The following RABGAP1L variants were observed in gnomAD, a reference collection of about 807,000 sequenced individuals.
The protein encoded by RABGAP1L is rab GTPase-activating protein 1-like.
A neutral mutation model predicts 137.7 loss-of-function variants in RABGAP1L; 63 were observed. That is an observed-to-expected ratio of 0.46 (90% CI 0.37 to 0.56). The LOEUF is 0.56. Among genes scored for constraint, RABGAP1L ranks in the 20% least tolerant of loss-of-function variants. RABGAP1L has a pLI of 0.00. For synonymous variants in RABGAP1L, 431 were observed against 433.7 expected, an observed-to-expected ratio of 0.99 and a Z score of 0.08; for missense variants, 1,095 against 1,244.0, an observed-to-expected ratio of 0.88 and a Z score of 1.80.
chr1:174,411,526 G>C lies in RABGAP1L; in HGVS notation c.1710+17381G>C, dbSNP rs1649926863. 2.0e-5 allele frequency among the ~76,000 whole-genome samples: 3 copies of C among 151,844 alleles called. No homozygotes were observed. In the East Asian group the frequency reaches 5.8e-4, roughly 29 times the overall value. On this transcript the variant is annotated intron_variant, in intron 13 of 25. Transcript: ENST00000681986. ...TGTTTTTGTTTTTGATTCTGTTTATGTGTTCAATCAAATTTATTAAATTTT... is the reference window on the plus strand; with the variant it reads ...TGTTTTTGTTTTTGATTCTGTTTATCTGTTCAATCAAATTTATTAAATTTT...
intron 11 of RABGAP1L, among the ~76,000 whole-genome samples, chr1:174,340,838 G>C (rs1681909807): frequency 6.6e-6 from 1 of 152,144 alleles, no homozygotes; most frequent in Non-Finnish European, 1.5e-5. Flanking sequence ...GATCTTTCGG[G>C]AATTGCCACA....
intron 13 of RABGAP1L, among the ~76,000 whole-genome samples, chr1:174,471,997 AGT>A (rs1657998248): frequency 6.6e-6 from 1 of 152,212 alleles, no homozygotes; most frequent in South Asian, 2.1e-4. Flanking sequence ...ACAATGGAGA[AGT>A]GTGTAATGCA....
chr1:174,321,621 A>G (rs991408176), intron 11 of RABGAP1L, among the ~76,000 whole-genome samples: 1 of 152,110 alleles, frequency 6.6e-6, no homozygotes, highest in African/African-American at 2.4e-5. Context: ...TTTGATTACA[A>G]TTTTTTTGGC....
intron 13 of RABGAP1L, among the ~76,000 whole-genome samples, chr1:174,624,778 CTTTCTCTAAATA>C (rs148034798): frequency 0.021 from 3,220 of 151,918 alleles, 121 homozygotes; most frequent in African/African-American, 0.075. Context: ...CTGTAACACT[CTTTCTCTAAATA>C]TTTCTCTAAA....
intron 13 of RABGAP1L, among the ~76,000 whole-genome samples, chr1:174,435,281 G>T (rs1653125208): frequency 6.6e-6 from 1 of 152,162 alleles, no homozygotes; most frequent in African/African-American, 2.4e-5. Context: ...GCCTCCCAAA[G>T]TGCTGGGATT....
intron 14 of RABGAP1L, among the ~76,000 whole-genome samples, chr1:174,644,213 A>C (rs1164801919): frequency 1.3e-5 from 2 of 152,046 alleles, no homozygotes; most frequent in African/African-American, 4.8e-5. Context: ...GAGTCCTGGA[A>C]AGAGAATGAG....
At chr1:174,695,123 C>T (rs548502735) in intron 15 of RABGAP1L, among the ~76,000 whole-genome samples, 25 of 152,090 alleles carry the variant, frequency 1.6e-4, no homozygotes, top group South Asian at 6.2e-4. Context: ...GAGTAGGTTG[C>T]GAAAATTTTC....
intron 11 of RABGAP1L, among the ~76,000 whole-genome samples, chr1:174,347,141 C>G (rs1682505643): frequency 1.3e-5 from 2 of 152,084 alleles, no homozygotes; most frequent in South Asian, 4.1e-4. Context: ...AACTGATGAC[C>G]TATCCTTGTG....
rs150710742 is a variant in RABGAP1L, at chr1:174,618,770, A to G, written c.1711-18605A>G. Among the ~76,000 whole-genome samples the G allele has an allele frequency of 1.5e-3, 224 of 152,370 alleles. 2 individuals carry two copies. The highest frequency in any genetic ancestry group is 3.4e-3 in the Middle Eastern group (1 of 294). On this transcript the variant is annotated intron_variant, in intron 13 of 25. Coordinates refer to ENST00000681986, the MANE Select transcript of RABGAP1L (RefSeq NM_001366446.1). ...CCAAAAACGCAGCTCCTCAGCAGCA[A>G]TGGAACTAAGCTGGATGGAGAATGA...
At chr1:174,504,858 A>G (rs1661667992) in intron 13 of RABGAP1L, among the ~76,000 whole-genome samples, 1 of 152,218 alleles carries the variant, frequency 6.6e-6, no homozygotes, top group Admixed American at 6.5e-5. Context: ...AACAGAAGCA[A>G]AGGTAGACAA....
chr1:174,792,447 G>A lies in RABGAP1L; in HGVS notation c.2212-19385G>A, dbSNP rs1687929646. Among the ~76,000 whole-genome samples the A allele has an allele frequency of 2.0e-5, 3 of 152,034 alleles. No homozygotes were observed. The South Asian group carries it at 6.2e-4, about 32-fold the overall frequency. ...ACTGTCTTTGAATATTTTAATTAAC[G>A]TCACGTGGAAAAAAAGAAGTAGACT... On this transcript the variant is annotated intron_variant, in intron 18 of 25. Transcript: ENST00000681986.
intron 11 of RABGAP1L, among the ~76,000 whole-genome samples, chr1:174,328,901 CAAAT>C (rs1430228831): frequency 6.6e-6 from 1 of 151,698 alleles, no homozygotes; most frequent in Non-Finnish European, 1.5e-5. Context: ...AGAAAGATCT[CAAAT>C]AAACAACCTA....
intron 12 of RABGAP1L, among the ~76,000 whole-genome samples, chr1:174,383,563 C>A (rs1414614289): frequency 6.6e-6 from 1 of 152,182 alleles, no homozygotes; most frequent in Non-Finnish European, 1.5e-5. Context: ...CCAGGTGCGT[C>A]CGTCACCGCT....
At chr1:174,346,164 T>C (rs993636346) in intron 11 of RABGAP1L, among the ~76,000 whole-genome samples, 5 of 152,184 alleles carry the variant, frequency 3.3e-5, no homozygotes, top group Admixed American at 2.0e-4. Context: ...TTGTTGAGGA[T>C]TTTTGCATAA....
intron 13 of RABGAP1L, among the ~76,000 whole-genome samples, chr1:174,596,465 T>C (rs1423094616): frequency 6.6e-6 from 1 of 152,208 alleles, no homozygotes; most frequent in Non-Finnish European, 1.5e-5. Flanking sequence ...AGATAATTTA[T>C]TTGTAGCTGT....
intron 19 of RABGAP1L, among the ~76,000 whole-genome samples, chr1:174,939,703 CAG>C (rs367985742): frequency 2.0e-5 from 3 of 150,938 alleles, no homozygotes; most frequent in African/African-American, 7.4e-5. Flanking sequence ...TCAAACATAT[CAG>C]AGAAAACTTC....
At chr1:174,709,834 T>C (rs1680344622) in intron 17 of RABGAP1L, among the ~76,000 whole-genome samples, 2 of 152,200 alleles carry the variant, frequency 1.3e-5, no homozygotes, top group East Asian at 1.9e-4. Flanking sequence ...GTTTGTCGAA[T>C]TGACATAAGT....
At position 174,288,521 on chromosome 1, in the gene RABGAP1L, A is replaced by G. The variant is rs61374922; in HGVS notation, c.1323+9742A>G. ...TCTTTTCTCTTTCAATATATTGAAT[A>G]TATTATTCCACTGTTTCCTCTCCTG... is the stretch of plus-strand genomic sequence containing the variant. On this transcript the variant is annotated intron_variant, in intron 10 of 25. Coordinates refer to ENST00000681986, the MANE Select transcript of RABGAP1L (RefSeq NM_001366446.1). Among the ~76,000 whole-genome samples, 876 of 152,266 alleles carry G rather than the reference A, an allele frequency of 5.8e-3. 8 individuals carry two copies. Among genetic ancestry groups the G allele is most frequent in the African/African-American group, 0.02 (836 of 41,546 alleles).
intron 11 of RABGAP1L, among the ~76,000 whole-genome samples, chr1:174,344,421 T>C (rs1682261113): frequency 6.6e-6 from 1 of 152,210 alleles, no homozygotes; most frequent in Admixed American, 6.5e-5. Flanking sequence ...TCTACTTCTT[T>C]AGGGACCTTG....
Sources: allele counts gnomAD v4.1 joint callset (sites outside exome capture counted in the v4.1 genomes callset), GRCh38; gene constraint gnomAD v4.1.1; transcripts MANE v1.5; gene names NCBI Gene and HGNC (gene_info 2026-07-23, HGNC 2026-07-21).